The following SV2B variants were observed in gnomAD, a reference collection of about 807,000 sequenced individuals.
SV2B encodes the protein solute carrier family 22 member B2.
SV2B carries 41 observed loss-of-function variants against 73.9 expected under a neutral mutation model. The ratio of observed to expected loss-of-function variants is 0.56; its 90% CI spans 0.43 to 0.72. The LOEUF (loss-of-function observed/expected upper bound fraction) is 0.72. Ranked by LOEUF, SV2B falls within the 30% of genes least tolerant of loss-of-function variation. The probability of loss-of-function intolerance (pLI) is 0.00; values close to 1 mark genes in which losing one functional copy is unlikely to be tolerated. For synonymous variants in SV2B, 314 were observed against 314.2 expected, an observed-to-expected ratio of 1.00 and a Z score of 0.01; for missense variants, 764 against 857.8, an observed-to-expected ratio of 0.89 and a Z score of 1.37.
Position 91,299,466 on chromosome 15 carries a change from A to G in SV2B, c.*6914A>G, listed in dbSNP as rs1410028276. 6.6e-6 allele frequency: 1 copy of G among 152,170 alleles called. No individual in the cohort carries two copies. Among genetic ancestry groups the G allele is most frequent in the Non-Finnish European group, 1.5e-5 (1 of 68,034 alleles). The allele number at this position is 152,170 out of a possible 1,614,324, so 9.4% of individuals were successfully genotyped here. On this transcript the variant is annotated 3_prime_UTR_variant, in exon 13 of 13. Transcript: ENST00000394232. ...TAAATGCTACACATTTTACAGTGGCAATATCAACCTTATCATGAGCTAAAG... is the reference window on the plus strand; with the variant it reads ...TAAATGCTACACATTTTACAGTGGCGATATCAACCTTATCATGAGCTAAAG...
intron 1 of SV2B, among the ~76,000 whole-genome samples, chr15:91,153,252 A>G (rs59990431): frequency 1.4e-3 from 217 of 152,292 alleles, no homozygotes; most frequent in African/African-American, 4.9e-3. Flanking sequence ...GTTCCAACGT[A>G]TGACTTTTGG....
chr15:91,223,031 T>A lies in SV2B; in HGVS notation c.-391-2842T>A, dbSNP rs190281898. 2.4e-4 allele frequency among the ~76,000 whole-genome samples: 36 copies of A among 152,312 alleles called. 1 individual carries two copies. Among genetic ancestry groups the A allele is most frequent in the Non-Finnish European group, 1.2e-4 (8 of 68,032 alleles). Reference sequence around the variant, plus strand: ...CAGGGTGTCAACACAGTTGATTCCTTCTGAGAGCTGTGAGAGAGAATCTGT... The same window carrying A: ...CAGGGTGTCAACACAGTTGATTCCTACTGAGAGCTGTGAGAGAGAATCTGT... On this transcript the variant is annotated intron_variant, in intron 1 of 12. Transcript: ENST00000394232. The surrounding 1 kb of genome is among the most constrained non-coding windows in gnomAD (Gnocchi z 4.6).
In SV2B at chr15:91,258,607, C is replaced by A; in HGVS notation, c.918+53C>A. On this transcript the variant is annotated intron_variant, in intron 5 of 12. Transcript: ENST00000394232. The surrounding 1 kb of genome is among the most constrained non-coding windows in gnomAD (Gnocchi z 4.7). ...AGAGTGACAAAACAGCCACAGGAACCCAGCCTCGCTTCCTTCTCTCAGCTC... is the reference window on the plus strand; with the variant it reads ...AGAGTGACAAAACAGCCACAGGAACACAGCCTCGCTTCCTTCTCTCAGCTC... The A allele has an allele frequency of 1.2e-6, 2 of 1,608,806 alleles. No individual in the cohort carries two copies. The highest frequency in any genetic ancestry group is 1.1e-5 in the South Asian group (1 of 90,084).
chr15:91,248,340 A>T (rs181491668), intron 2 of SV2B, among the ~76,000 whole-genome samples: 69 of 152,242 alleles, frequency 4.5e-4, no homozygotes, highest in Non-Finnish European at 9.0e-4. Context: ...AAACAAAAAA[A>T]TGCCTTGTAT....
intron 1 of SV2B, among the ~76,000 whole-genome samples, chr15:91,148,974 A>T (rs1003815489): frequency 5.9e-5 from 9 of 152,248 alleles, no homozygotes; most frequent in African/African-American, 2.4e-5. Flanking sequence ...CACATCCAGA[A>T]TAATATTTAA....
In SV2B at chr15:91,268,777, G is replaced by T. The variant is rs1397352455; in HGVS notation, c.1373+172G>T. Among the ~76,000 whole-genome samples, 1 of 152,164 alleles carries T rather than the reference G, an allele frequency of 6.6e-6. No homozygotes were observed. The highest frequency in any genetic ancestry group is 1.5e-5 in the Non-Finnish European group (1 of 68,022). ...CCAGTGACGCCATAGCTCCCCTAGTGGCTGTGTCTGTGTTGTGCTGGCTCC... is the reference window on the plus strand; with the variant it reads ...CCAGTGACGCCATAGCTCCCCTAGTTGCTGTGTCTGTGTTGTGCTGGCTCC... On this transcript the variant is annotated intron_variant, in intron 9 of 12. Coordinates refer to ENST00000394232, the MANE Select transcript of SV2B (RefSeq NM_001323032.3). The surrounding 1 kb of genome is among the most constrained non-coding windows in gnomAD (Gnocchi z 4.4).
At chr15:91,112,064 A>G (rs574786921) in intron 1 of SV2B, among the ~76,000 whole-genome samples, 1 of 144,818 alleles carries the variant, frequency 6.9e-6, no homozygotes, top group East Asian at 2.0e-4. Flanking sequence ...AGGGACACAC[A>G]TCCAAACTAT....
chr15:91,283,908 C>T lies in SV2B; in HGVS notation c.1508-113C>T, dbSNP rs1457474539. 2 of 1,026,088 alleles carry T rather than the reference C, an allele frequency of 1.9e-6. No individual in the cohort carries two copies. The highest frequency in any genetic ancestry group is 2.8e-6 in the Non-Finnish European group (2 of 702,928). 63.6% of individuals were successfully genotyped at this position (1,026,088 alleles called of 1,614,324 possible). ...CTTGACTTTGAGGCTGTCTGACTGG[C>T]AAAGGCTGGCACAGCCTGCCTACAG... On this transcript the variant is annotated intron_variant, in intron 10 of 12. Transcript: ENST00000394232. This position sits in a 1 kb window ranked among gnomAD's most constrained non-coding sequence, Gnocchi z 4.3.
intron 1 of SV2B, among the ~76,000 whole-genome samples, chr15:91,221,207 A>T (rs1016419658): frequency 1.3e-5 from 2 of 152,142 alleles, no homozygotes; most frequent in African/African-American, 4.8e-5. Flanking sequence ...ATTAGATCGG[A>T]TTTAAATTGA....
chr15:91,224,242 A>G lies in SV2B; in HGVS notation c.-391-1631A>G, dbSNP rs2046305302. On this transcript the variant is annotated intron_variant, in intron 1 of 12. Transcript: ENST00000394232. The surrounding 1 kb of genome is among the most constrained non-coding windows in gnomAD (Gnocchi z 4.9). ...GACATCTGCTGAGCATGCTGAAAGGACAGTGGATTTCAGGTGTGACAGGGA... is the reference window on the plus strand; with the variant it reads ...GACATCTGCTGAGCATGCTGAAAGGGCAGTGGATTTCAGGTGTGACAGGGA... 6.6e-6 allele frequency among the ~76,000 whole-genome samples: 1 copy of G among 152,190 alleles called. No individual in the cohort carries two copies. Among genetic ancestry groups the G allele is most frequent in the Non-Finnish European group, 1.5e-5 (1 of 68,028 alleles).
In SV2B at chr15:91,227,781, GT is replaced by G. The variant is rs1420849745; in HGVS notation, c.451+1069del. Among the ~76,000 whole-genome samples, 1 of 152,188 alleles carries G rather than the reference GT, an allele frequency of 6.6e-6. No homozygotes were observed. Among genetic ancestry groups the G allele is most frequent in the Non-Finnish European group, 1.5e-5 (1 of 68,046 alleles). ...ATTAACAAACACAGAGAATTATTTGGTTACTGTAGGGACAGTCTCTATGAAA... is the reference window on the plus strand; with the variant it reads ...ATTAACAAACACAGAGAATTATTTGGTACTGTAGGGACAGTCTCTATGAAA... On this transcript the variant is annotated intron_variant, in intron 2 of 12. Coordinates refer to ENST00000394232, the MANE Select transcript of SV2B (RefSeq NM_001323032.3). This position sits in a 1 kb window ranked among gnomAD's most constrained non-coding sequence, Gnocchi z 4.5.
intron 6 of SV2B, among the ~76,000 whole-genome samples, chr15:91,264,158 C>T (rs2048023240): frequency 6.6e-6 from 1 of 152,250 alleles, no homozygotes; most frequent in Admixed American, 6.5e-5. Flanking sequence ...CGCAGTGGTG[C>T]TTAGCCAGGC....
chr15:91,247,481 C>T (rs1161488628), intron 2 of SV2B, among the ~76,000 whole-genome samples: 5 of 152,100 alleles, frequency 3.3e-5, no homozygotes, highest in Non-Finnish European at 7.4e-5. Context: ...GTAGCAAATG[C>T]AGGGAGAAGC....
At chr15:91,127,016 T>C (rs906198108) in intron 1 of SV2B, among the ~76,000 whole-genome samples, 1 of 152,210 alleles carries the variant, frequency 6.6e-6, no homozygotes, top group Non-Finnish European at 1.5e-5. Context: ...ATGAAAGAAC[T>C]TGGACTCAAA....
At position 91,284,516 on chromosome 15, in the gene SV2B, A is replaced by G. The variant is rs2048794655; in HGVS notation, c.1708+295A>G. Reference sequence around the variant, plus strand: ...GCACTTCAATAAGGGTAGTAATAATATCCACCCTGCCTCTTCATCCGATTA... The same window carrying G: ...GCACTTCAATAAGGGTAGTAATAATGTCCACCCTGCCTCTTCATCCGATTA... On this transcript the variant is annotated intron_variant, in intron 11 of 12. Transcript: ENST00000394232. This position sits in a 1 kb window ranked among gnomAD's most constrained non-coding sequence, Gnocchi z 4.5. Among the ~76,000 whole-genome samples the G allele has an allele frequency of 1.3e-5, 2 of 152,230 alleles. No individual in the cohort carries two copies. Among genetic ancestry groups the G allele is most frequent in the African/African-American group, 4.8e-5 (2 of 41,454 alleles).
At chr15:91,138,063 G>A (rs1457201061) in intron 1 of SV2B, among the ~76,000 whole-genome samples, 1 of 152,096 alleles carries the variant, frequency 6.6e-6, no homozygotes, top group Non-Finnish European at 1.5e-5. Context: ...CATGAAGAAA[G>A]ACAAGATTTT....
At position 91,268,533 on chromosome 15, in the gene SV2B, A is replaced by G. The variant is rs760556310; in HGVS notation, c.1301A>G (p.His434Arg). The change falls in exon 9 of 13, where the codon CAT (histidine) becomes CGT (arginine). Residue 434 changes from histidine (H) to arginine (R), a missense_variant. Physicochemically the swap from His to Arg is conservative, Grantham distance 29. Coordinates refer to ENST00000394232, the MANE Select transcript of SV2B (RefSeq NM_001323032.3). This position sits in a 1 kb window ranked among gnomAD's most constrained non-coding sequence, Gnocchi z 4.4. ...KSKMKVFFGE[H>R]VYGATINFTM... The stretch of plus-strand genomic sequence containing the variant: ...AAAATGAAGGTGTTTTTTGGTGAGC[A>G]TGTGTACGGCGCCACAATCAACTTC... The G allele has an allele frequency of 1.9e-6, 3 of 1,614,110 alleles. No individual in the cohort carries two copies. Among genetic ancestry groups the G allele is most frequent in the South Asian group, 1.1e-5 (1 of 91,074 alleles).
intron 1 of SV2B, among the ~76,000 whole-genome samples, chr15:91,194,585 A>C (rs1400842517): frequency 6.6e-6 from 1 of 152,222 alleles, no homozygotes; most frequent in Non-Finnish European, 1.5e-5. Flanking sequence ...TGAATTTCTG[A>C]TAAATTCAGA....
chr15:91,117,137 C>G (rs2042203573), intron 1 of SV2B, among the ~76,000 whole-genome samples: 1 of 152,182 alleles, frequency 6.6e-6, no homozygotes, highest in South Asian at 2.1e-4. Flanking sequence ...AGCACAGAGC[C>G]ACATCTTTGT....
Sources: allele counts gnomAD v4.1 joint callset (sites outside exome capture counted in the v4.1 genomes callset), GRCh38; gene constraint gnomAD v4.1.1; non-coding constraint Gnocchi (gnomAD v3.1); transcripts MANE v1.5; gene names NCBI Gene and HGNC (gene_info 2026-07-23, HGNC 2026-07-21).